Variants in RIOK1 observed in about 807,000 individuals in gnomAD.
RIOK1 encodes serine/threonine-protein kinase RIO1.
RIOK1 carries 66 observed loss-of-function variants against 73.5 expected under a neutral mutation model. The ratio of observed to expected loss-of-function variants is 0.90; its 90% CI spans 0.74 to 1.10. RIOK1 has a LOEUF of 1.10. RIOK1 is among the 50% of genes least tolerant of loss of function. RIOK1 has a pLI of 0.00. For synonymous variants in RIOK1, 224 were observed against 226.8 expected, an observed-to-expected ratio of 0.99 and a Z score of 0.11; for missense variants, 658 against 699.8, an observed-to-expected ratio of 0.94 and a Z score of 0.67.
chr6:7,391,946 A>G (rs1043068793), intron 1 of RIOK1, among the ~76,000 whole-genome samples: 5 of 152,194 alleles, frequency 3.3e-5, no homozygotes, highest in Non-Finnish European at 7.3e-5. Flanking sequence ...CCTCAGAGCC[A>G]TGGCTAATTA....
chr6:7,414,526 C>A, intron 16 of RIOK1, 136 bp downstream of exon 16: 2 of 834,864 alleles, frequency 2.4e-6, no homozygotes, highest in Non-Finnish European at 3.6e-6. Flanking sequence ...AGTTTTAATA[C>A]CTAAGTGTGA....
At chr6:7,405,179 T>C in intron 11 of RIOK1, 70 bp from the exon 12 acceptor site, 1 of 1,109,300 alleles carries the variant, frequency 9.0e-7, no homozygotes, top group Non-Finnish European at 1.4e-6. Context: ...TCCTTGTTTC[T>C]CTATAAGGTA....
intron 5 of RIOK1, among the ~76,000 whole-genome samples, chr6:7,398,950 G>A (rs1028085769): frequency 6.6e-6 from 1 of 152,110 alleles, no homozygotes; most frequent in African/African-American, 2.4e-5. Flanking sequence ...GTCCTTCAGT[G>A]GCCTTGCAGA....
At chr6:7,402,570 AC>A in intron 6 of RIOK1, 32 bp from the exon 7 acceptor site, 1 of 1,510,754 alleles carries the variant, frequency 6.6e-7, no homozygotes, top group Non-Finnish European at 8.9e-7. Flanking sequence ...TTTAACATAA[AC>A]TTCATTTTCT....
At chr6:7,413,332 T>A (rs985268739) in intron 15 of RIOK1, among the ~76,000 whole-genome samples, 9 of 152,198 alleles carry the variant, frequency 5.9e-5, no homozygotes, top group African/African-American at 1.9e-4. Context: ...TATTACTTGT[T>A]AAAGAACAAT....
rs148496276 is a variant in RIOK1, at chr6:7,415,246, C to A, written c.1596+856C>A. ...GACCAGTCTGGGCAATAGAGTGATA[C>A]CCCGTCTCTATTAAAACATTGGTGA... On this transcript the variant is annotated intron_variant, in intron 16 of 16. Transcript: ENST00000379834. Among the ~76,000 whole-genome samples, 10 of 152,122 alleles carry A rather than the reference C, an allele frequency of 6.6e-5. No individual in the cohort carries two copies. The East Asian group carries it at 1.9e-3, about 29-fold the overall frequency.
intron 16 of RIOK1, among the ~76,000 whole-genome samples, chr6:7,414,930 C>CATTCCA (rs1195191963): frequency 6.6e-6 from 1 of 152,204 alleles, no homozygotes; most frequent in Non-Finnish European, 1.5e-5. Context: ...TGAATCATCA[C>CATTCCA]GTGGTCCAGC....
intron 4 of RIOK1, among the ~76,000 whole-genome samples, chr6:7,397,589 T>G (rs921221088): frequency 6.6e-6 from 1 of 152,226 alleles, no homozygotes; most frequent in Non-Finnish European, 1.5e-5. Context: ...ATCACTATAT[T>G]ATAGAAAACG....
chr6:7,404,427 A>G lies in RIOK1; in HGVS notation c.864A>G (p.Pro288=). The G allele has an allele frequency of 6.2e-7, 1 of 1,613,926 alleles. No individual in the cohort carries two copies. Among genetic ancestry groups the G allele is most frequent in the Non-Finnish European group, 8.5e-7 (1 of 1,179,986 alleles). ...SFIGKDDMPA[P]LLKNVQLSES... ...GTTCTTTTCATTCAAGGCCTGCACC[A>G]CTCTTGAAAAATGTCCAGTTATCAG... Residue 288 remains proline, a synonymous_variant, in exon 10 of 17, where the codon CCA becomes CCG. Transcript: ENST00000379834.
chr6:7,399,972 C>T (rs1315541695), intron 5 of RIOK1, among the ~76,000 whole-genome samples: 1 of 152,108 alleles, frequency 6.6e-6, no homozygotes, highest in East Asian at 1.9e-4. Flanking sequence ...ACCGTCTCAC[C>T]CCATGGGGGC....
chr6:7,410,245 A>G (rs1761854527), intron 12 of RIOK1, 141 bp from the exon 13 acceptor site: 4 of 634,846 alleles, frequency 6.3e-6, no homozygotes, highest in Non-Finnish European at 1.1e-5. Context: ...AACTTGTACC[A>G]TTAGACCTCA....
intron 12 of RIOK1, among the ~76,000 whole-genome samples, chr6:7,408,667 AGT>A (rs1327310790): frequency 6.6e-6 from 1 of 152,110 alleles, no homozygotes; most frequent in Non-Finnish European, 1.5e-5. Context: ...GGAATAAATA[AGT>A]GTGTCATTTT....
chr6:7,405,167 TC>T, intron 11 of RIOK1, 81 bp from the exon 12 acceptor site: 2 of 1,057,244 alleles, frequency 1.9e-6, no homozygotes, highest in Non-Finnish European at 2.9e-6. Context: ...TGTAATTTTA[TC>T]TCCTTGTTTC....
intron 10 of RIOK1, 81 bp from the exon 11 acceptor site, chr6:7,404,837 C>G: frequency 8.2e-7 from 1 of 1,214,762 alleles, no homozygotes; most frequent in Non-Finnish European, 1.2e-6. Context: ...ACTTCCCTTG[C>G]TTTTAAGAGT....
At chr6:7,402,756 T>C (rs1318981435) in intron 7 of RIOK1, 41 bp downstream of exon 7, 2 of 1,602,916 alleles carry the variant, frequency 1.2e-6, no homozygotes, top group African/African-American at 1.3e-5. Context: ...TAATTTCTAT[T>C]TCCTAAAACA....
chr6:7,417,058 A>G (rs1762022950), intron 16 of RIOK1, among the ~76,000 whole-genome samples: 1 of 152,102 alleles, frequency 6.6e-6, no homozygotes, highest in Non-Finnish European at 1.5e-5. Flanking sequence ...AGCCTGTGCA[A>G]TCTGGCGAAG....
chr6:7,403,911 G>T (rs1305545133), intron 8 of RIOK1, 30 bp from the exon 9 acceptor site: 1 of 1,533,342 alleles, frequency 6.5e-7, no homozygotes, highest in Non-Finnish European at 9.0e-7. Flanking sequence ...CAACTTTTCA[G>T]TTGTCCTTTT....
rs757493738 is a variant in RIOK1 at position 7,398,751 on chromosome 6, A to T, written c.480+11A>T. ...GCAACTGTAGAACAGGTACAATTTA[A>T]ATGTGTTGCAAACTCTTCTTTTTAA... On this transcript the variant is annotated intron_variant, in intron 5 of 16. Coordinates refer to ENST00000379834, the MANE Select transcript of RIOK1 (RefSeq NM_031480.3). The T allele has an allele frequency of 1.9e-6, 3 of 1,600,986 alleles. No homozygotes were observed. Among genetic ancestry groups the T allele is most frequent in the Non-Finnish European group, 2.6e-6 (3 of 1,170,176 alleles).
chr6:7,396,861 T>C, intron 4 of RIOK1, 89 bp downstream of exon 4: 1 of 731,918 alleles, frequency 1.4e-6, no homozygotes, highest in Non-Finnish European at 2.4e-6. Flanking sequence ...CAGAGGATGT[T>C]CATTTGTATA....
Sources: allele counts gnomAD v4.1 joint callset (sites outside exome capture counted in the v4.1 genomes callset), GRCh38; gene constraint gnomAD v4.1.1; transcripts MANE v1.5; gene names NCBI Gene and HGNC (gene_info 2026-07-23, HGNC 2026-07-21).